SLC1A1: variants seen among roughly 807,000 people sequenced by gnomAD.
SLC1A1 encodes solute carrier family 1 member 1.
In SLC1A1, 43 loss-of-function variants were observed where a neutral mutation model predicts 53.3. The observed-to-expected ratio is 0.81, with a 90% CI of 0.63 to 1.04. SLC1A1 has a LOEUF of 1.04. Ranked by LOEUF, SLC1A1 falls within the 50% of genes least tolerant of loss-of-function variation. SLC1A1 has a pLI of 0.00. For synonymous variants in SLC1A1, 307 were observed against 243.2 expected (o/e 1.26, Z -2.44); for missense variants, 748 against 664.9 (o/e 1.12, Z -1.37).
Position 4,586,767 on chromosome 9 carries a change from G to A in SLC1A1, c.*1209G>A, listed in dbSNP as rs1185058381. 6.6e-6 allele frequency: 1 copy of A among 152,148 alleles called. No homozygotes were observed. Among genetic ancestry groups the A allele is most frequent in the African/African-American group, 2.4e-5 (1 of 41,430 alleles). 9.4% of individuals were successfully genotyped at this position (152,148 alleles called of 1,614,324 possible). A position where few individuals can be genotyped will look rare whatever the true frequency, so the allele number is the denominator to read the frequency against. ...GCAGAAAAAGAGCTTCCCCTAACCTGGGTTGTTGCAGAGTAAATCCCACGA... is the reference window on the plus strand; with the variant it reads ...GCAGAAAAAGAGCTTCCCCTAACCTAGGTTGTTGCAGAGTAAATCCCACGA... On this transcript the variant is annotated 3_prime_UTR_variant, in exon 12 of 12. Coordinates refer to ENST00000262352, the MANE Select transcript of SLC1A1 (RefSeq NM_004170.6).
At chr9:4,492,102 A>C (rs1371324862) in intron 1 of SLC1A1, among the ~76,000 whole-genome samples, 1 of 152,192 alleles carries the variant, frequency 6.6e-6, no homozygotes, top group Non-Finnish European at 1.5e-5. Context: ...GAAGTACAGA[A>C]GCAAATCTTG....
chr9:4,533,419 C>A (rs967261857), intron 1 of SLC1A1, among the ~76,000 whole-genome samples: 3 of 152,024 alleles, frequency 2.0e-5, no homozygotes, highest in Admixed American at 2.0e-4. Flanking sequence ...CAATCCTAGT[C>A]TCGGATAAAA....
chr9:4,576,216 T>C, intron 9 of SLC1A1, 93 bp downstream of exon 9: 2 of 1,274,632 alleles, frequency 1.6e-6, no homozygotes, highest in Non-Finnish European at 2.3e-6. Context: ...CTTGCGGTTT[T>C]TGTAGCTGTC....
intron 1 of SLC1A1, among the ~76,000 whole-genome samples, chr9:4,505,769 G>A (rs1436848036): frequency 6.6e-6 from 1 of 152,170 alleles, no homozygotes; most frequent in Non-Finnish European, 1.5e-5. Context: ...CAATTCTGCT[G>A]CCTCAGCCTC....
chr9:4,583,255 C>G lies in SLC1A1; in HGVS notation c.1328+83C>G. On this transcript the variant is annotated intron_variant, in intron 11 of 11. Coordinates refer to ENST00000262352, the MANE Select transcript of SLC1A1 (RefSeq NM_004170.6). This position sits in a 1 kb window ranked among gnomAD's most constrained non-coding sequence, Gnocchi z 4.6. ...GCAGGCGCTGCAGTCTGTCATCATT[C>G]TCTCCTCAGATTGCCTAATGAGCCA... 1 of 1,563,252 alleles carries G rather than the reference C, an allele frequency of 6.4e-7. No individual in the cohort carries two copies. Among genetic ancestry groups the G allele is most frequent in the Non-Finnish European group, 8.8e-7 (1 of 1,135,430 alleles).
At chr9:4,536,999 C>T (rs1816698943) in intron 1 of SLC1A1, among the ~76,000 whole-genome samples, 1 of 151,746 alleles carries the variant, frequency 6.6e-6, no homozygotes, top group South Asian at 2.1e-4. Flanking sequence ...ACAATGAGAA[C>T]ACTTGGACAC....
Position 4,585,352 on chromosome 9 carries a change from T to G in SLC1A1, c.1369T>G (p.Phe457Val). 2.5e-6 allele frequency: 4 copies of G among 1,614,140 alleles called. No individual in the cohort carries two copies. Among genetic ancestry groups the G allele is most frequent in the Non-Finnish European group, 3.4e-6 (4 of 1,180,024 alleles). Residue 457 changes from phenylalanine to valine, a missense_variant, in exon 12 of 12, where the codon TTT becomes GTT. Physicochemically the swap from Phe to Val is conservative, Grantham distance 50. Coordinates refer to ENST00000262352, the MANE Select transcript of SLC1A1 (RefSeq NM_004170.6). ...RTMVNVLGDA[F>V]GTGIVEKLSK... ...CATGGTCAACGTCCTTGGTGATGCT[T>G]TTGGGACGGGCATTGTGGAAAAGCT... is the stretch of plus-strand genomic sequence containing the variant.
intron 1 of SLC1A1, among the ~76,000 whole-genome samples, chr9:4,516,574 C>G (rs1821168189): frequency 6.6e-6 from 1 of 152,164 alleles, no homozygotes; most frequent in Non-Finnish European, 1.5e-5. Flanking sequence ...AAGTTCCTTC[C>G]CAACTTCCAA....
chr9:4,553,240 C>T (rs530154386), intron 2 of SLC1A1: 3 of 151,832 alleles, frequency 2.0e-5, no homozygotes, highest in Non-Finnish European at 4.4e-5. Context: ...TTCAGGGAGT[C>T]AAAAAGTTCA....
Position 4,540,672 on chromosome 9 carries a change from C to T in SLC1A1, c.92-3895C>T, listed in dbSNP as rs138552761. Among the ~76,000 whole-genome samples the T allele has an allele frequency of 2.3e-3, 348 of 152,294 alleles. 1 individual carries two copies. Among genetic ancestry groups the T allele is most frequent in the African/African-American group, 7.7e-3 (321 of 41,576 alleles). The stretch of plus-strand genomic sequence containing the variant: ...CCCTTCTGCAAGGGGTGAAGTGCAA[C>T]GGGTCCAAGTGAGTGGAGTTTGCCC... On this transcript the variant is annotated intron_variant, in intron 1 of 11. Coordinates refer to ENST00000262352, the MANE Select transcript of SLC1A1 (RefSeq NM_004170.6).
chr9:4,568,906 A>T (rs1429299920), intron 6 of SLC1A1, among the ~76,000 whole-genome samples: 1 of 152,180 alleles, frequency 6.6e-6, no homozygotes, highest in Non-Finnish European at 1.5e-5. Flanking sequence ...TAAAAGAAAC[A>T]CATACAACAA....
rs964718587 is a variant in SLC1A1, at chr9:4,556,941, A to C, written c.233-4508A>C. 6.6e-6 allele frequency among the ~76,000 whole-genome samples: 1 copy of C among 152,174 alleles called. No homozygotes were observed. The highest frequency in any genetic ancestry group is 1.5e-5 in the Non-Finnish European group (1 of 68,022). On this transcript the variant is annotated intron_variant, in intron 2 of 11. Transcript: ENST00000262352. This position sits in a 1 kb window ranked among gnomAD's most constrained non-coding sequence, Gnocchi z 4.1. ...GCACAACAACAACAACAATAAAACA[A>C]GGTTGAAAAAGACTGAGATGTTACA...
chr9:4,554,679 G>T (rs1586773145), intron 2 of SLC1A1, among the ~76,000 whole-genome samples: 2 of 152,328 alleles, frequency 1.3e-5, no homozygotes, highest in East Asian at 3.9e-4. Flanking sequence ...GGAGAGGCAG[G>T]CAGGTGCCTC....
At chr9:4,519,198 A>C (rs888594035) in intron 1 of SLC1A1, among the ~76,000 whole-genome samples, 2 of 152,246 alleles carry the variant, frequency 1.3e-5, no homozygotes, top group African/African-American at 4.8e-5. Context: ...AGGCCTCTAA[A>C]TTTTATACCA....
chr9:4,526,895 A>G (rs1256415393), intron 1 of SLC1A1, among the ~76,000 whole-genome samples: 1 of 152,008 alleles, frequency 6.6e-6, no homozygotes, highest in Non-Finnish European at 1.5e-5. Context: ...ATATGATGGG[A>G]TTTCACATTC....
At chr9:4,509,456 G>C (rs1326310815) in intron 1 of SLC1A1, among the ~76,000 whole-genome samples, 1 of 152,052 alleles carries the variant, frequency 6.6e-6, no homozygotes, top group Admixed American at 6.5e-5. Context: ...ACAAGAGAGG[G>C]TGATGGGGTT....
At chr9:4,553,720 G>C (rs1253553990) in intron 2 of SLC1A1, 1 of 152,234 alleles carries the variant, frequency 6.6e-6, no homozygotes, top group East Asian at 1.9e-4. Flanking sequence ...CCAGCTGACA[G>C]AGGCTTCAAG....
intron 1 of SLC1A1, among the ~76,000 whole-genome samples, chr9:4,523,008 T>G (rs902034164): frequency 6.6e-6 from 1 of 152,232 alleles, no homozygotes; most frequent in African/African-American, 2.4e-5. Flanking sequence ...CCTGAAGCAC[T>G]TGTAAACAAT....
chr9:4,559,952 G>A (rs555973170), intron 2 of SLC1A1: 6 of 152,206 alleles, frequency 3.9e-5, no homozygotes, highest in Admixed American at 2.6e-4. Context: ...CTGGCAAGGC[G>A]GGATGCCTGC....
Sources: allele counts gnomAD v4.1 joint callset (sites outside exome capture counted in the v4.1 genomes callset), GRCh38; gene constraint gnomAD v4.1.1; non-coding constraint Gnocchi (gnomAD v3.1); transcripts MANE v1.5; gene names NCBI Gene and HGNC (gene_info 2026-07-23, HGNC 2026-07-21).